The following MVP variants were observed in gnomAD, a reference collection of about 807,000 sequenced individuals.
MVP encodes the protein major vault protein, also known as lung resistance-related protein.
In MVP, 62 loss-of-function variants were observed where a neutral mutation model predicts 83.5. The observed-to-expected ratio is 0.74, with a 90% confidence interval of 0.61 to 0.92. The LOEUF (loss-of-function observed/expected upper bound fraction) is 0.92, where lower values mean the gene tolerates loss of function less well. MVP is among the 40% of genes least tolerant of loss of function. The pLI, the probability that MVP is intolerant of heterozygous loss-of-function variation, is 0.00. For missense variants in MVP, 1,000 were observed against 1,203.4 expected (o/e 0.83, Z 2.50); for synonymous variants, 505 against 504.1 (o/e 1.00, Z -0.02).
intron 7 of MVP, among the ~76,000 whole-genome samples, chr16:29,837,611 A>G (rs11863731): frequency 0.16 from 24,502 of 151,942 alleles, 2,168 homozygotes; most frequent in African/African-American, 0.24. Flanking sequence ...AAAATTAGCC[A>G]GGTGTGGTGG....
Position 29,847,924 on chromosome 16 carries a change from TC to T in MVP, c.2623del (p.Gln875SerfsTer22). 6.2e-7 allele frequency: 1 copy of T among 1,613,362 alleles called. No individual in the cohort carries two copies. Among genetic ancestry groups the T allele is most frequent in the Non-Finnish European group, 8.5e-7 (1 of 1,179,732 alleles). ...ASGPSPGEGI[S>X]PQSAQAPQAP... is the part of the protein sequence containing the mutation. The stretch of plus-strand genomic sequence containing the variant: ...TGGGCCCAGCCCTGGGGAGGGGATA[TC>T]CCCCCAGTCTGCTCAGGCCCCTCAA... On this transcript the variant is annotated frameshift_variant, in exon 15 of 15. Coordinates refer to ENST00000357402, the MANE Select transcript of MVP (RefSeq NM_005115.5). LOFTEE classifies it low-confidence loss of function (END_TRUNC).
chr16:29,823,651 A>G (rs1009007104), intron 1 of MVP, among the ~76,000 whole-genome samples: 10 of 151,898 alleles, frequency 6.6e-5, no homozygotes, highest in African/African-American at 2.4e-4. Flanking sequence ...TAGGAGATCA[A>G]GACCATCCTG....
chr16:29,834,006 G>A lies in MVP; in HGVS notation c.517G>A (p.Ala173Thr). Residue 173 changes from alanine to threonine, a missense_variant, in exon 5 of 15, where the codon GCT becomes ACT. Physicochemically the swap from Ala to Thr is moderately conservative, Grantham distance 58. Coordinates refer to ENST00000357402, the MANE Select transcript of MVP (RefSeq NM_005115.5). Reference protein sequence around the residue: ...IQATIIRQNQALRLRARKECW... With the variant: ...IQATIIRQNQTLRLRARKECW... ...GGCCACCATCATCAGGCAGAACCAG[G>A]CTCTGCGGCTCAGGGCCCGCAAGGA... The A allele has an allele frequency of 1.2e-6, 2 of 1,614,080 alleles. No individual in the cohort carries two copies. The highest frequency in any genetic ancestry group is 1.6e-4 in the Middle Eastern group (1 of 6,062).
Position 29,830,570 on chromosome 16 carries a change from C to T in MVP, c.21C>T (p.Ile7=). 6.2e-7 allele frequency: 1 copy of T among 1,614,032 alleles called. No individual in the cohort carries two copies. The highest frequency in any genetic ancestry group is 1.7e-5 in the Admixed American group (1 of 59,992). The change falls in exon 2 of 15, where the codon ATC becomes ATT. Residue 7 remains isoleucine, a synonymous_variant. Coordinates refer to ENST00000357402, the MANE Select transcript of MVP (RefSeq NM_005115.5). MATEEF[I]IRIPPYHYIH... is the part of the protein sequence containing the mutation. Reference sequence around the variant, plus strand: ...TCACCATGGCAACTGAAGAGTTCATCATCCGCATCCCCCCATACCACTATA... The same window carrying T: ...TCACCATGGCAACTGAAGAGTTCATTATCCGCATCCCCCCATACCACTATA...
chr16:29,831,918 ATTTAATGG>A (rs1050305435), intron 3 of MVP: 5 of 341,376 alleles, frequency 1.5e-5, no homozygotes, highest in African/African-American at 1.1e-4. Flanking sequence ...CCTTCTGGCC[ATTTAATGG>A]TTTTGGGTTT....
chr16:29,846,169 A>C lies in MVP; in HGVS notation c.2150A>C (p.Glu717Ala). 1.2e-6 allele frequency: 2 copies of C among 1,611,216 alleles called. No individual in the cohort carries two copies. Among genetic ancestry groups the C allele is most frequent in the Non-Finnish European group, 1.7e-6 (2 of 1,178,792 alleles). The change falls in exon 13 of 15, where the codon GAG (glutamate) becomes GCG (alanine). Residue 717 changes from glutamate (E) to alanine (A), a missense_variant. Transcript: ENST00000357402. ...TGCCTTCTCCCCAGCATGGCCGTGGAGAGCACCGGGACTGCCAAGGCGGAG... is the reference window on the plus strand; with the variant it reads ...TGCCTTCTCCCCAGCATGGCCGTGGCGAGCACCGGGACTGCCAAGGCGGAG... Reference protein sequence around the residue: ...LELEALSMAVESTGTAKAEAE... With the variant: ...LELEALSMAVASTGTAKAEAE...
At position 29,833,743 on chromosome 16, in the gene MVP, C is replaced by G; in HGVS notation, c.332C>G (p.Pro111Arg). 8.7e-6 allele frequency: 14 copies of G among 1,613,970 alleles called. No homozygotes were observed. The highest frequency in any genetic ancestry group is 1.2e-5 in the Non-Finnish European group (14 of 1,179,988). Residue 111 changes from proline to arginine, a missense_variant, in exon 4 of 15, where the codon CCC becomes CGC. Coordinates refer to ENST00000357402, the MANE Select transcript of MVP (RefSeq NM_005115.5). ...CTTCTTCCCCACTAGGACATCACAC[C>G]CCTGCAGGTGGTTCTGCCCAACACT... The part of the protein sequence containing the change: ...PGEVLEKDIT[P>R]LQVVLPNTAL...
chr16:29,820,607 T>C (rs1283746038), intron 1 of MVP, 97 bp downstream of exon 1: 1 of 152,356 alleles, frequency 6.6e-6, no homozygotes, highest in Non-Finnish European at 1.5e-5. Flanking sequence ...TGAAGGGCCT[T>C]GCTTCTGCTG....
At chr16:29,834,206 C>T in intron 5 of MVP, 140 bp downstream of exon 5, 2 of 1,179,940 alleles carry the variant, frequency 1.7e-6, no homozygotes, top group African/African-American at 1.5e-5. Context: ...TTGAGGGCCA[C>T]CCACTGCTCT....
intron 7 of MVP, among the ~76,000 whole-genome samples, chr16:29,837,570 G>A (rs922131576): frequency 3.3e-5 from 5 of 151,902 alleles, no homozygotes; most frequent in East Asian, 1.9e-4. Context: ...CCTGGCCAAC[G>A]TGGGGAAACC....
chr16:29,835,473 TCC>T, intron 5 of MVP: 1 of 232,034 alleles, frequency 4.3e-6, no homozygotes, highest in Non-Finnish European at 7.3e-6. Context: ...AGAGGGAGAC[TCC>T]GTCTCAAAAA....
At chr16:29,837,646 C>T (rs1242562355) in intron 7 of MVP, among the ~76,000 whole-genome samples, 4 of 151,726 alleles carry the variant, frequency 2.6e-5, no homozygotes, top group East Asian at 1.9e-4. Context: ...TCCAGTTACT[C>T]GGGAGGCTGA....
At chr16:29,837,836 T>A (rs1435985787) in intron 7 of MVP, among the ~76,000 whole-genome samples, 1 of 152,192 alleles carries the variant, frequency 6.6e-6, no homozygotes, top group African/African-American at 2.4e-5. Flanking sequence ...TGACTATATT[T>A]CACATCTTTA....
At chr16:29,832,613 T>TC (rs1299565471) in intron 3 of MVP, among the ~76,000 whole-genome samples, 1 of 148,798 alleles carries the variant, frequency 6.7e-6, no homozygotes, top group East Asian at 2.0e-4. Context: ...TTTTTTTTTT[T>TC]TTCTGGATCT....
chr16:29,840,936 C>CA lies in MVP; in HGVS notation c.1191+486dup, dbSNP rs532871698. On this transcript the variant is annotated intron_variant, in intron 8 of 14. Coordinates refer to ENST00000357402, the MANE Select transcript of MVP (RefSeq NM_005115.5). The stretch of plus-strand genomic sequence containing the variant: ...CCAGGGTGACAGAGTGAGACTCTGT[C>CA]AAAAAAAAATATTAGCATGTCCACT... Among the ~76,000 whole-genome samples the CA allele has an allele frequency of 4.8e-4, 72 of 150,306 alleles. 1 individual carries two copies. Among genetic ancestry groups the CA allele is most frequent in the South Asian group, 8.4e-4 (4 of 4,762 alleles).
chr16:29,846,340 T>C, intron 13 of MVP, 56 bp downstream of exon 13: 1 of 1,518,520 alleles, frequency 6.6e-7, no homozygotes. Flanking sequence ...AAAAGGCCCA[T>C]TCCCTACAGT....
chr16:29,843,542 G>GAAGA (rs2067552660), intron 10 of MVP, among the ~76,000 whole-genome samples: 4 of 41,762 alleles, frequency 9.6e-5, no homozygotes, highest in Non-Finnish European at 2.0e-4. Flanking sequence ...GGGAGGAAGG[G>GAAGA]AGGAAGGGAG....
At position 29,844,731 on chromosome 16, in the gene MVP, C is replaced by G. The variant is rs757475299; in HGVS notation, c.1873C>G (p.Gln625Glu). Residue 625 changes from glutamine (Q) to glutamate (E), a missense_variant, in exon 11 of 15, where the codon CAG (glutamine) becomes GAG (glutamate). By Grantham distance (29) the Gln-to-Glu change is conservative (BLOSUM62 2). Coordinates refer to ENST00000357402, the MANE Select transcript of MVP (RefSeq NM_005115.5). ...DGMALPRPRD[Q>E]AVFPQNGLVV... ...CATGGCCCTGCCCAGGCCCCGGGAC[C>G]AGGCTGTCTTCCCCCAAAACGGGCT... The G allele has an allele frequency of 6.2e-7, 1 of 1,613,310 alleles. No homozygotes were observed.
In MVP at chr16:29,840,239, A is replaced by G; in HGVS notation, c.971A>G (p.Tyr324Cys). The change falls in exon 8 of 15, where the codon TAT becomes TGT. Residue 324 changes from tyrosine to cysteine, a missense_variant. Coordinates refer to ENST00000357402, the MANE Select transcript of MVP (RefSeq NM_005115.5). Reference protein sequence around the residue: ...EQLEQGIQDVYVLSEQQGLLL... With the variant: ...EQLEQGIQDVCVLSEQQGLLL... ...CTGGAACAAGGCATCCAGGATGTGTATGTGCTGTCGGAGCAGCAGGGGCTG... is the reference window on the plus strand; with the variant it reads ...CTGGAACAAGGCATCCAGGATGTGTGTGTGCTGTCGGAGCAGCAGGGGCTG... 1 of 1,613,996 alleles carries G rather than the reference A, an allele frequency of 6.2e-7. No homozygotes were observed. Among genetic ancestry groups the G allele is most frequent in the African/African-American group, 1.3e-5 (1 of 75,034 alleles).
Sources: allele counts gnomAD v4.1 joint callset (sites outside exome capture counted in the v4.1 genomes callset), GRCh38; gene constraint gnomAD v4.1.1; transcripts MANE v1.5; gene names NCBI Gene and HGNC (gene_info 2026-07-23, HGNC 2026-07-21).